CPT1C: variants seen among roughly 807,000 people sequenced by gnomAD.
CPT1C encodes the protein carnitine palmitoyltransferase 1C.
A neutral mutation model predicts 97.3 loss-of-function variants in CPT1C; 61 were observed. That is an observed-to-expected ratio of 0.63 (90% CI 0.51 to 0.78). The LOEUF is 0.78. CPT1C is among the 30% of genes least tolerant of loss of function. The probability of loss-of-function intolerance (pLI) is 0.00; values close to 1 mark genes in which losing one functional copy is unlikely to be tolerated. For synonymous variants in CPT1C, 469 were observed against 447.2 expected (o/e 1.05, Z -0.61); for missense variants, 975 against 1,065.5 (o/e 0.92, Z 1.18).
At chr19:49,711,625 G>A in intron 16 of CPT1C, 184 bp from the exon 17 acceptor site, 1 of 650,748 alleles carries the variant, frequency 1.5e-6, no homozygotes. Flanking sequence ...GGCTCTCCCT[G>A]GCTGTGTGAA....
chr19:49,713,017 G>T lies in CPT1C; in HGVS notation c.2179G>T (p.Gly727Cys). The T allele has an allele frequency of 6.2e-7, 1 of 1,614,040 alleles. No individual in the cohort carries two copies. The highest frequency in any genetic ancestry group is 8.5e-7 in the Non-Finnish European group (1 of 1,179,986). ...YGVSYIFMGD[G>C]MITFHISSKK... ...TGTTTCTTATATCTTCATGGGGGAT[G>T]GCATGATCACCTTCCACATCTCCAG... The change falls in exon 19 of 20, where the codon GGC (glycine) becomes TGC (cysteine). Residue 727 changes from glycine to cysteine, a missense_variant. Gly to Cys is a radical substitution (Grantham distance 159). Coordinates refer to ENST00000598293, the MANE Select transcript of CPT1C (RefSeq NM_001199753.2).
intron 14 of CPT1C, among the ~76,000 whole-genome samples, chr19:49,709,931 C>CT (rs2083749161): frequency 6.6e-6 from 1 of 152,056 alleles, no homozygotes; most frequent in South Asian, 2.1e-4. Flanking sequence ...ACTGCAACCT[C>CT]TGCCTCCTGG....
Position 49,697,435 on chromosome 19 carries a change from T to G in CPT1C, c.251T>G (p.Met84Arg). The G allele has an allele frequency of 6.2e-7, 1 of 1,614,116 alleles. No homozygotes were observed. ...FLQLDPSLGL[M>R]EKIKELLPDW... is the part of the protein sequence containing the mutation. Reference sequence around the variant, plus strand: ...CAGCTGGATCCTTCCTTAGGACTGATGGAGAAGATCAAAGAGTTGCTGCCT... The same window carrying G: ...CAGCTGGATCCTTCCTTAGGACTGAGGGAGAAGATCAAAGAGTTGCTGCCT... The change falls in exon 4 of 20, where the codon ATG becomes AGG. Residue 84 changes from methionine to arginine, a missense_variant. Physicochemically the swap from Met to Arg is moderately conservative, Grantham distance 91 (BLOSUM62 -1). This residue lies in a region of CPT1C where 596 missense variants were observed against 603.1 expected (regional missense o/e 0.99). Transcript: ENST00000598293.
At chr19:49,713,258 C>A in intron 19 of CPT1C, 162 bp from the exon 20 acceptor site, 1 of 760,750 alleles carries the variant, frequency 1.3e-6, no homozygotes, top group South Asian at 1.8e-5. Flanking sequence ...CCCTCAGACC[C>A]GGGAGTCCAG....
At chr19:49,705,845 AATGGTC>A in intron 10 of CPT1C, 58 bp from the exon 11 acceptor site, 2 of 1,429,318 alleles carry the variant, frequency 1.4e-6, no homozygotes, top group Non-Finnish European at 1.9e-6. Context: ...GTATATAATA[AATGGTC>A]ACTATTTTTA....
chr19:49,706,160 CTG>C lies in CPT1C; in HGVS notation c.1160+59_1160+60del. 6.4e-7 allele frequency: 1 copy of C among 1,568,486 alleles called. No individual in the cohort carries two copies. Among genetic ancestry groups the C allele is most frequent in the Non-Finnish European group, 8.7e-7 (1 of 1,155,606 alleles). On this transcript the variant is annotated intron_variant, in intron 11 of 19. Coordinates refer to ENST00000598293, the MANE Select transcript of CPT1C (RefSeq NM_001199753.2). This position sits in a 1 kb window ranked among gnomAD's most constrained non-coding sequence, Gnocchi z 4.8. ...CTCAGAGGCCGCCAGTGTCCTGAGA[CTG>C]TGGAAGGGCAGGGTGGGGCCAGGTG...
intron 13 of CPT1C, among the ~76,000 whole-genome samples, chr19:49,708,002 C>CAAA (rs60276067): frequency 9.2e-4 from 52 of 56,704 alleles, no homozygotes; most frequent in Non-Finnish European, 1.4e-3. Flanking sequence ...GAATACATCT[C>CAAA]AAAAAAAAAA....
intron 2 of CPT1C, 85 bp downstream of exon 2, chr19:49,691,974 G>A: frequency 2.3e-6 from 1 of 442,678 alleles, no homozygotes; most frequent in South Asian, 3.2e-5. Context: ...GGGTCTGAGG[G>A]AGGAGGGGCT....
chr19:49,700,605 A>G, intron 4 of CPT1C, 79 bp from the exon 5 acceptor site: 2 of 1,493,014 alleles, frequency 1.3e-6, no homozygotes, highest in Non-Finnish European at 1.8e-6. Flanking sequence ...AGATCAGCGC[A>G]GGGGCTGGAG....
chr19:49,695,247 TATG>T (rs1207098046), intron 3 of CPT1C, among the ~76,000 whole-genome samples: 2 of 151,762 alleles, frequency 1.3e-5, no homozygotes, highest in African/African-American at 2.4e-5. Flanking sequence ...CACACATATA[TATG>T]ATAACATTAC....
chr19:49,696,456 C>CTTTTTTTTTTTTTTT (rs66983115), intron 3 of CPT1C: 1 of 111,636 alleles, frequency 9.0e-6, no homozygotes, highest in Non-Finnish European at 1.8e-5. Context: ...CTTTTCTTTT[C>CTTTTTTTTTTTTTTT]TTTTTTTTTT....
In CPT1C at chr19:49,711,860, C is replaced by G; in HGVS notation, c.1918C>G (p.Leu640Val). The change falls in exon 17 of 20, where the codon CTG (leucine) becomes GTG (valine). Residue 640 changes from leucine to valine, a missense_variant. Leu to Val is a conservative substitution (Grantham distance 32). This residue lies in a region of CPT1C where 344 missense variants were observed against 395.7 expected (regional missense o/e 0.87). Transcript: ENST00000598293. The part of the protein sequence containing the change: ...FRVAVDKHQA[L>V]LKAAMSGQGV... ...CGTGGCAGTGGACAAGCACCAGGCT[C>G]TGCTGAAGGCAGCCATGAGCGGGCA... 2.5e-6 allele frequency: 4 copies of G among 1,614,068 alleles called. No homozygotes were observed. The highest frequency in any genetic ancestry group is 3.4e-6 in the Non-Finnish European group (4 of 1,180,040).
chr19:49,706,419 T>G lies in CPT1C; in HGVS notation c.1343+6T>G. The G allele has an allele frequency of 1.4e-6, 2 of 1,473,154 alleles. No homozygotes were observed. The highest frequency in any genetic ancestry group is 1.8e-6 in the Non-Finnish European group (2 of 1,121,086). The allele number at this position is 1,473,154 out of a possible 1,614,324, so 91.3% of individuals were successfully genotyped here. On this transcript the variant is annotated splice_donor_region_variant and intron_variant, in intron 12 of 19. Coordinates refer to ENST00000598293, the MANE Select transcript of CPT1C (RefSeq NM_001199753.2). The surrounding 1 kb of genome is among the most constrained non-coding windows in gnomAD (Gnocchi z 4.8). ...GCCGGCCGGGGCCATGATCGGTGAG[T>G]GAGTCTTGGGATGGGGCCCCCAGAT...
At chr19:49,692,499 A>G (rs2082413081) in intron 3 of CPT1C, 106 bp downstream of exon 3, 7 of 1,389,048 alleles carry the variant, frequency 5.0e-6, no homozygotes, top group Middle Eastern at 1.8e-4. Context: ...CTGGGAGACT[A>G]TCACCCCTTT....
chr19:49,700,262 C>CAA (rs58306047), intron 4 of CPT1C, among the ~76,000 whole-genome samples: 9,186 of 146,240 alleles, frequency 0.063, 448 homozygotes, highest in South Asian at 0.18. Flanking sequence ...CAAAACAAAA[C>CAA]AAAAAAAAAA....
At chr19:49,690,810 A>C (rs117886565), upstream of CPT1C, 2,679 of 282,604 alleles carry the variant, frequency 9.5e-3, 23 homozygotes, top group Middle Eastern at 0.036. The surrounding 1 kb of genome is among the most constrained non-coding windows in gnomAD (Gnocchi z 4.4). Flanking sequence ...AAGGGCTGAG[A>C]TTTGCTCCGG....
At chr19:49,705,411 CCTT>C in intron 10 of CPT1C, 113 bp downstream of exon 10, 3 of 877,136 alleles carry the variant, frequency 3.4e-6, no homozygotes, top group Non-Finnish European at 1.8e-6. Flanking sequence ...TGCTGTGTGA[CCTT>C]CTGCACGTTA....
chr19:49,694,455 C>T (rs1429522454), intron 3 of CPT1C, among the ~76,000 whole-genome samples: 1 of 151,526 alleles, frequency 6.6e-6, no homozygotes, highest in Admixed American at 6.6e-5. Flanking sequence ...ATAGTGAAAC[C>T]CCATCTCTAC....
rs541248737 is a variant in CPT1C at position 49,696,123 on chromosome 19, C to T, written c.142-1203C>T. ...AATGCCTGACCTCAGGTGATCCACC[C>T]GCCTAGGCCTCCCAAAGTGCTGGGA... On this transcript the variant is annotated intron_variant, in intron 3 of 19. Coordinates refer to ENST00000598293, the MANE Select transcript of CPT1C (RefSeq NM_001199753.2). Among the ~76,000 whole-genome samples the T allele has an allele frequency of 2.0e-5, 3 of 152,316 alleles. No individual in the cohort carries two copies. In the East Asian group the frequency reaches 5.8e-4, roughly 29 times the overall value.
Sources: allele counts gnomAD v4.1 joint callset (sites outside exome capture counted in the v4.1 genomes callset), GRCh38; gene constraint gnomAD v4.1.1; regional missense constraint gnomAD v4.1.1; non-coding constraint Gnocchi (gnomAD v3.1); transcripts MANE v1.5; gene names NCBI Gene and HGNC (gene_info 2026-07-23, HGNC 2026-07-21).